Variants in PODN observed in about 807,000 individuals in gnomAD.
The protein encoded by PODN is podocan proteoglycan.
A neutral mutation model predicts 52.7 loss-of-function variants in PODN; 40 were observed. The ratio of observed to expected loss-of-function variants is 0.76; its 90% CI spans 0.59 to 0.99. The LOEUF (loss-of-function observed/expected upper bound fraction) is 0.99, where lower values mean the gene tolerates loss of function less well. Among genes scored for constraint, PODN ranks in the 50% least tolerant of loss-of-function variants. The pLI, the probability that PODN is intolerant of heterozygous loss-of-function variation, is 0.00. For missense variants in PODN, 720 were observed against 815.1 expected (o/e 0.88, Z 1.42); for synonymous variants, 396 against 377.9 (o/e 1.05, Z -0.56).
At chr1:53,074,205 G>A (rs373952613) in intron 3 of PODN, among the ~76,000 whole-genome samples, 6 of 152,212 alleles carry the variant, frequency 3.9e-5, no homozygotes, top group Admixed American at 6.5e-5. Flanking sequence ...GCCCAGAGCC[G>A]CAGCCCCACC....
chr1:53,063,257 C>T (rs12565708), intron 1 of PODN: 121,767 of 691,020 alleles, frequency 0.18, 20,110 homozygotes, highest in African/African-American at 0.73. Context: ...GCGAGCACCC[C>T]GGCCCCGGTG....
intron 2 of PODN, 84 bp from the exon 3 acceptor site, chr1:53,071,451 G>A (rs1317469587): frequency 7.7e-6 from 9 of 1,161,834 alleles, no homozygotes; most frequent in African/African-American, 3.1e-5. Context: ...TGGATTCTAG[G>A]ACTGGAGCTA....
chr1:53,063,282 T>G, intron 1 of PODN: 76 of 880,162 alleles, frequency 8.6e-5, no homozygotes, highest in Middle Eastern at 5.8e-4. Context: ...CGGCACTGAC[T>G]GAGCTGGTCC....
At chr1:53,080,603 A>C (rs1572277816) in intron 8 of PODN, 125 bp from the exon 9 acceptor site, 1 of 1,012,494 alleles carries the variant, frequency 9.9e-7, no homozygotes, top group East Asian at 2.5e-5. Flanking sequence ...AATTATAGAC[A>C]CCCCCCCTCC....
intron 1 of PODN, 129 bp from the exon 2 acceptor site, chr1:53,069,672 C>T: frequency 7.5e-7 from 1 of 1,337,196 alleles, no homozygotes; most frequent in Non-Finnish European, 9.9e-7. Flanking sequence ...GGGGGTTGGG[C>T]AGGTGCGGAG....
At chr1:53,071,268 C>T (rs1001968952) in intron 2 of PODN, 5 of 353,084 alleles carry the variant, frequency 1.4e-5, no homozygotes, top group South Asian at 7.1e-5. Flanking sequence ...GATAGCATGT[C>T]GAGTTTGAAC....
At chr1:53,067,693 G>A (rs1644052806) in intron 1 of PODN, among the ~76,000 whole-genome samples, 1 of 152,100 alleles carries the variant, frequency 6.6e-6, no homozygotes. Context: ...AAGATGTGAG[G>A]ATCACTTGAG....
chr1:53,071,764 G>A (rs1461814425), intron 3 of PODN, 136 bp downstream of exon 3: 3 of 814,948 alleles, frequency 3.7e-6, no homozygotes, highest in African/African-American at 1.7e-5. Context: ...GCCCGGGCCA[G>A]GCTAGCAGTG....
At chr1:53,065,640 G>A (rs976763863) in intron 1 of PODN, among the ~76,000 whole-genome samples, 1 of 152,162 alleles carries the variant, frequency 6.6e-6, no homozygotes, top group African/African-American at 2.4e-5. Flanking sequence ...CCTGTGTCAC[G>A]CTCCTGCCTT....
chr1:53,077,941 C>T (rs1165203326), intron 7 of PODN, 141 bp downstream of exon 7: 6 of 645,518 alleles, frequency 9.3e-6, no homozygotes, highest in Middle Eastern at 3.0e-4. Context: ...AGCCTTGTGC[C>T]TCTGTTGACA....
Position 53,084,526 on chromosome 1 carries a change from C to G in PODN, c.*41C>G, listed in dbSNP as rs1202579342. 1 of 152,260 alleles carries G rather than the reference C, an allele frequency of 6.6e-6. No homozygotes were observed. Among genetic ancestry groups the G allele is most frequent in the East Asian group, 1.9e-4 (1 of 5,164 alleles). The allele number at this position is 152,260 out of a possible 1,614,324, so 9.4% of individuals were successfully genotyped here. A position where few individuals can be genotyped will look rare whatever the true frequency, so the allele number is the denominator to read the frequency against. On this transcript the variant is annotated 3_prime_UTR_variant, in exon 11 of 11. Transcript: ENST00000312553. ...CATGTTCCACAGGACGATGGACCGCCGGACTCTTTTCTGCAGCACACGCCT... is the reference window on the plus strand; with the variant it reads ...CATGTTCCACAGGACGATGGACCGCGGGACTCTTTTCTGCAGCACACGCCT...
intron 1 of PODN, among the ~76,000 whole-genome samples, chr1:53,067,565 C>T (rs900914605): frequency 1.3e-5 from 2 of 152,108 alleles, no homozygotes; most frequent in Non-Finnish European, 2.9e-5. Flanking sequence ...AACTCAGAGG[C>T]GGCTACGATG....
intron 1 of PODN, chr1:53,063,410 A>G (rs1643988380): frequency 3.0e-6 from 3 of 985,558 alleles, no homozygotes; most frequent in Non-Finnish European, 3.6e-6. Context: ...ACGAGGCGCC[A>G]CTGGTGTGAA....
chr1:53,071,751 C>A (rs1644121899), intron 3 of PODN, 123 bp downstream of exon 3: 5 of 943,200 alleles, frequency 5.3e-6, no homozygotes. Flanking sequence ...TGGAAGAGAG[C>A]AGGCCCGGGC....
chr1:53,074,453 C>A (rs908284013), intron 3 of PODN, among the ~76,000 whole-genome samples, 153 bp from the exon 4 acceptor site: 2 of 146,532 alleles, frequency 1.4e-5, no homozygotes, highest in African/African-American at 4.9e-5. Flanking sequence ...AAGAACAGGG[C>A]TGGGCAGGCC....
At chr1:53,066,736 G>C in intron 1 of PODN, 1 of 1,391,578 alleles carries the variant, frequency 7.2e-7, no homozygotes. Context: ...AGCTCCCTGA[G>C]TTGTAAAGTG....
At chr1:53,077,140 G>A (rs564918634) in intron 5 of PODN, 50 bp from the exon 6 acceptor site, 105 of 1,594,780 alleles carry the variant, frequency 6.6e-5, no homozygotes, top group African/African-American at 8.0e-5. Flanking sequence ...TTGAGCTGGC[G>A]CAGGGCCTGG....
chr1:53,066,966 A>G, intron 1 of PODN: 1 of 1,245,500 alleles, frequency 8.0e-7, no homozygotes. Flanking sequence ...CTGTGCCCAC[A>G]CTCTCGCTCT....
intron 1 of PODN, chr1:53,063,415 T>G: frequency 1.0e-6 from 1 of 985,674 alleles, no homozygotes; most frequent in Non-Finnish European, 1.2e-6. Context: ...GCGCCACTGG[T>G]GTGAACCGGG....
Sources: allele counts gnomAD v4.1 joint callset (sites outside exome capture counted in the v4.1 genomes callset), GRCh38; gene constraint gnomAD v4.1.1; transcripts MANE v1.5; gene names NCBI Gene and HGNC (gene_info 2026-07-23, HGNC 2026-07-21).